NSMCE2: variants seen among roughly 807,000 people sequenced by gnomAD.
NSMCE2 encodes NSE2 SUMO ligase component of SMC5/6 complex.
NSMCE2 carries 24 observed loss-of-function variants against 23.8 expected under a neutral mutation model. The ratio of observed to expected loss-of-function variants is 1.01; its 90% CI spans 0.73 to 1.42. NSMCE2 has a LOEUF of 1.42. Among genes scored for constraint, NSMCE2 ranks in the 40% most tolerant of loss-of-function variants. The probability of loss-of-function intolerance (pLI) is 0.00; values close to 1 mark genes in which losing one functional copy is unlikely to be tolerated. For synonymous variants in NSMCE2, 92 were observed against 94.1 expected, an observed-to-expected ratio of 0.98 and a Z score of 0.13; for missense variants, 284 against 296.5, an observed-to-expected ratio of 0.96 and a Z score of 0.31.
At chr8:125,161,916 T>C (rs1178934306) in intron 4 of NSMCE2, among the ~76,000 whole-genome samples, 8 of 152,126 alleles carry the variant, frequency 5.3e-5, no homozygotes, top group African/African-American at 1.9e-4. Flanking sequence ...ACCTGCAAGG[T>C]CTCACATGCT....
chr8:125,223,420 T>C (rs985726375), intron 5 of NSMCE2, among the ~76,000 whole-genome samples: 7 of 152,284 alleles, frequency 4.6e-5, no homozygotes, highest in African/African-American at 1.4e-4. Context: ...ATCTTGACTA[T>C]TGCGAATAAT....
chr8:125,161,990 A>G (rs1023268842), intron 4 of NSMCE2, among the ~76,000 whole-genome samples: 3 of 152,096 alleles, frequency 2.0e-5, no homozygotes, highest in Non-Finnish European at 1.5e-5. Flanking sequence ...GGTACCACGA[A>G]GCAAGTCCTC....
chr8:125,110,753 G>GTT, intron 3 of NSMCE2, among the ~76,000 whole-genome samples: 1 of 122,624 alleles, frequency 8.2e-6, no homozygotes, highest in African/African-American at 3.3e-5. Flanking sequence ...GATAATTTTG[G>GTT]TTGTTGTTGT....
intron 4 of NSMCE2, among the ~76,000 whole-genome samples, chr8:125,164,241 T>G (rs1448685098): frequency 6.6e-6 from 1 of 152,176 alleles, no homozygotes; most frequent in Non-Finnish European, 1.5e-5. Context: ...AGGTGGCTAT[T>G]GTTGACTCTG....
chr8:125,221,306 C>CG (rs1824851571), intron 5 of NSMCE2, among the ~76,000 whole-genome samples: 1 of 152,174 alleles, frequency 6.6e-6, no homozygotes, highest in Non-Finnish European at 1.5e-5. Flanking sequence ...AGTGCAGTGA[C>CG]GCAATCATGG....
intron 4 of NSMCE2, among the ~76,000 whole-genome samples, chr8:125,151,974 G>A (rs1821056421): frequency 6.6e-6 from 1 of 152,108 alleles, no homozygotes; most frequent in South Asian, 2.1e-4. Context: ...TGTATTTCTG[G>A]TTTCGTTATT....
At chr8:125,237,345 C>A (rs1177706689) in intron 5 of NSMCE2, among the ~76,000 whole-genome samples, 1 of 152,162 alleles carries the variant, frequency 6.6e-6, no homozygotes, top group Admixed American at 6.5e-5. Flanking sequence ...CAGTCTCCAT[C>A]AGAATAGCAG....
At position 125,193,214 on chromosome 8, in the gene NSMCE2, G is replaced by C. The variant is rs562558759; in HGVS notation, c.418+10958G>C. On this transcript the variant is annotated intron_variant, in intron 5 of 7. Transcript: ENST00000287437. ...GTTAACTACACATTTATGTAAAGTAGACTTCATCAAAATTAAAACCTCCAA... is the reference window on the plus strand; with the variant it reads ...GTTAACTACACATTTATGTAAAGTACACTTCATCAAAATTAAAACCTCCAA... 2.1e-4 allele frequency among the ~76,000 whole-genome samples: 32 copies of C among 152,220 alleles called. No individual in the cohort carries two copies. In the South Asian group the frequency reaches 6.0e-3, roughly 29 times the overall value.
At chr8:125,301,527 C>T (rs1221639257) in intron 5 of NSMCE2, among the ~76,000 whole-genome samples, 1 of 152,124 alleles carries the variant, frequency 6.6e-6, no homozygotes, top group African/African-American at 2.4e-5. Flanking sequence ...ACTTGGAAGA[C>T]TTTCTTGTTA....
At chr8:125,283,377 G>A (rs1010754436) in intron 5 of NSMCE2, among the ~76,000 whole-genome samples, 1 of 152,016 alleles carries the variant, frequency 6.6e-6, no homozygotes, top group Non-Finnish European at 1.5e-5. Flanking sequence ...ACGAAACCCC[G>A]CATATACAAA....
intron 5 of NSMCE2, among the ~76,000 whole-genome samples, chr8:125,326,063 C>A (rs1829652993): frequency 6.6e-6 from 1 of 152,132 alleles, no homozygotes; most frequent in African/African-American, 2.4e-5. Flanking sequence ...CGAGACCATC[C>A]TGGATAACAT....
chr8:125,255,331 A>G (rs976865714), intron 5 of NSMCE2, among the ~76,000 whole-genome samples: 5 of 152,202 alleles, frequency 3.3e-5, no homozygotes, highest in South Asian at 2.1e-4. Context: ...TTGCTGGAAC[A>G]AGGAGGTAGA....
intron 5 of NSMCE2, among the ~76,000 whole-genome samples, chr8:125,320,044 C>T (rs1372598216): frequency 6.6e-6 from 1 of 151,712 alleles, no homozygotes; most frequent in Admixed American, 6.6e-5. Flanking sequence ...GACGTGGTGG[C>T]ATGCACTTAT....
chr8:125,263,791 A>G (rs1159507094), intron 5 of NSMCE2, among the ~76,000 whole-genome samples: 2 of 151,684 alleles, frequency 1.3e-5, no homozygotes, highest in African/African-American at 2.4e-5. Context: ...GATATGACCT[A>G]GAATAAATTT....
chr8:125,344,510 G>A (rs1830364418), intron 5 of NSMCE2, among the ~76,000 whole-genome samples: 1 of 152,064 alleles, frequency 6.6e-6, no homozygotes, highest in Non-Finnish European at 1.5e-5. Flanking sequence ...TTGGGAGGCC[G>A]AGGTGGGCAA....
chr8:125,190,104 T>G (rs563387215), intron 5 of NSMCE2, among the ~76,000 whole-genome samples: 2 of 152,312 alleles, frequency 1.3e-5, no homozygotes, highest in African/African-American at 2.4e-5. Context: ...GATTGCATCC[T>G]GAGAGCTTAT....
rs149975857 is a variant in NSMCE2 at position 125,316,450 on chromosome 8, G to A, written c.419-40769G>A. Among the ~76,000 whole-genome samples, 1,044 of 152,360 alleles carry A rather than the reference G, an allele frequency of 6.9e-3. 15 individuals are homozygous for A. Among genetic ancestry groups the A allele is most frequent in the Non-Finnish European group, 0.01 (681 of 68,042 alleles). On this transcript the variant is annotated intron_variant, in intron 5 of 7. Coordinates refer to ENST00000287437, the MANE Select transcript of NSMCE2 (RefSeq NM_173685.4). Reference sequence around the variant, plus strand: ...AACTATGTTTATGACACTACTGGCAGTACGTGCATTGGTCAGAAGCTGGAA... The same window carrying A: ...AACTATGTTTATGACACTACTGGCAATACGTGCATTGGTCAGAAGCTGGAA...
At chr8:125,205,863 A>G (rs1288663072) in intron 5 of NSMCE2, among the ~76,000 whole-genome samples, 1 of 152,204 alleles carries the variant, frequency 6.6e-6, no homozygotes, top group Non-Finnish European at 1.5e-5. Flanking sequence ...TAATACAATG[A>G]TTTAAGATAA....
At chr8:125,348,177 A>G (rs898633977) in intron 5 of NSMCE2, 1 of 152,224 alleles carries the variant, frequency 6.6e-6, no homozygotes, top group Non-Finnish European at 1.5e-5. Context: ...GGTAAAAATA[A>G]TAATAATAGC....
Sources: gnomAD v4.1 joint callset for allele counts (sites outside exome capture counted in the v4.1 genomes callset) on GRCh38, gnomAD v4.1.1 for gene constraint, MANE v1.5 for transcripts, NCBI Gene and HGNC (gene_info 2026-07-23, HGNC 2026-07-21) for gene names.